Variants in VSIG1 observed in about 807,000 individuals in gnomAD.
VSIG1 encodes V-set and immunoglobulin domain-containing protein 1.
In VSIG1, 11 loss-of-function variants were observed where a neutral mutation model predicts 20.1. That is an observed-to-expected ratio of 0.55 (90% CI 0.34 to 0.91). The LOEUF (loss-of-function observed/expected upper bound fraction) is 0.91, where lower values mean the gene tolerates loss of function less well. Among genes scored for constraint, VSIG1 ranks in the 40% least tolerant of loss-of-function variants. VSIG1 has a pLI of 0.02. For missense variants in VSIG1, 283 were observed against 298.8 expected, an observed-to-expected ratio of 0.95 and a Z score of 0.39; for synonymous variants, 126 against 116.7, an observed-to-expected ratio of 1.08 and a Z score of -0.52.
intron 1 of VSIG1, among the ~76,000 whole-genome samples, chrX:108,054,447 A>G (rs2030850120): frequency 8.9e-6 from 1 of 111,733 alleles, no homozygotes; most frequent in African/African-American, 3.2e-5. Flanking sequence ...ACGATTTTAT[A>G]TTGGTTTTTC....
intron 2 of VSIG1, among the ~76,000 whole-genome samples, chrX:108,058,709 C>T (rs2030961341): frequency 9.0e-6 from 1 of 110,979 alleles, no homozygotes; most frequent in Non-Finnish European, 1.9e-5. Context: ...AGTGATGAAC[C>T]CTGCGTAGTT....
chrX:108,071,799 C>T (rs749335409), intron 3 of VSIG1, among the ~76,000 whole-genome samples: 4 of 106,891 alleles, frequency 3.7e-5, no homozygotes, highest in East Asian at 3.0e-4. Flanking sequence ...TGCTGAGTAG[C>T]GTGCACCCCC....
At chrX:108,046,800 T>C (rs1292335458) in intron 1 of VSIG1, among the ~76,000 whole-genome samples, 2 of 111,600 alleles carry the variant, frequency 1.8e-5, no homozygotes, top group African/African-American at 6.5e-5. Flanking sequence ...TTTAGCATCA[T>C]GTCAGGATTT....
the VSIG1 span, among the ~76,000 whole-genome samples, chrX:108,023,049 C>A: frequency 1.8e-5 from 2 of 112,028 alleles, no homozygotes; most frequent in Non-Finnish European, 3.8e-5. Flanking sequence ...AAATAAATGT[C>A]TTTTCTTTAT....
At chrX:108,061,676 A>G in intron 2 of VSIG1, 1 of 501,407 alleles carries the variant, frequency 2.0e-6, no homozygotes, top group South Asian at 3.1e-5. Flanking sequence ...CAAAACTGGG[A>G]CAGTCTTGAG....
At chrX:108,021,121 C>T in the VSIG1 span, among the ~76,000 whole-genome samples, 15 of 111,689 alleles carry the variant, frequency 1.3e-4, no homozygotes, top group South Asian at 1.5e-3. Flanking sequence ...CATACTTTTT[C>T]CAGTGTGGAA....
chrX:108,066,092 G>A (rs1307693551), intron 2 of VSIG1, among the ~76,000 whole-genome samples: 3 of 111,085 alleles, frequency 2.7e-5, no homozygotes, highest in Non-Finnish European at 3.8e-5. Flanking sequence ...TATGATCTAA[G>A]TATCTATGCT....
At chrX:108,044,886 G>T (rs2030537177), upstream of VSIG1, 2 of 278,950 alleles carry the variant, frequency 7.2e-6, no homozygotes, top group Non-Finnish European at 1.3e-5. Flanking sequence ...AAATGCGTGG[G>T]TTTATTATTA....
intron 1 of VSIG1, among the ~76,000 whole-genome samples, chrX:108,054,550 AAGAT>A (rs1172813964): frequency 9.0e-6 from 1 of 111,466 alleles, no homozygotes. Context: ...AACATTCACC[AAGAT>A]AGATAATGTG....
chrX:108,029,720 C>T, the VSIG1 span, among the ~76,000 whole-genome samples: 1 of 111,831 alleles, frequency 8.9e-6, no homozygotes, highest in African/African-American at 3.3e-5. Flanking sequence ...CACCAATTGC[C>T]TTTAAAAGAC....
chrX:108,061,381 T>C, intron 2 of VSIG1: 1 of 1,007,997 alleles, frequency 9.9e-7, no homozygotes, highest in Non-Finnish European at 1.4e-6. Flanking sequence ...GGCAGTATAC[T>C]GTATAGCATT....
the VSIG1 span, among the ~76,000 whole-genome samples, chrX:108,035,406 T>A: frequency 9.0e-6 from 1 of 111,567 alleles, no homozygotes; most frequent in East Asian, 2.8e-4. Context: ...TAAAGATATT[T>A]ACAATACTGA....
At chrX:108,031,278 T>C in the VSIG1 span, among the ~76,000 whole-genome samples, 1 of 112,298 alleles carries the variant, frequency 8.9e-6, no homozygotes, top group East Asian at 2.8e-4. Context: ...CAAAGACCTT[T>C]CAGTAGGAGA....
chrX:108,044,041 G>C (rs1458151465), upstream of VSIG1, among the ~76,000 whole-genome samples: 3 of 111,741 alleles, frequency 2.7e-5, no homozygotes, highest in Non-Finnish European at 3.8e-5. Flanking sequence ...TTGGCCTGCG[G>C]CTGGCACACA....
the VSIG1 span, among the ~76,000 whole-genome samples, chrX:108,022,050 G>A: frequency 3.6e-5 from 4 of 111,123 alleles, no homozygotes; most frequent in Non-Finnish European, 5.7e-5. Flanking sequence ...TTGTATTTCC[G>A]TATGAATTTT....
chrX:108,047,955 C>T (rs7887155), intron 1 of VSIG1, among the ~76,000 whole-genome samples: 3,330 of 13,395 alleles, frequency 0.25, 567 homozygotes, highest in Non-Finnish European at 0.29. Flanking sequence ...TATATATATA[C>T]ACACACATAT....
At chrX:108,048,206 T>G (rs1046981808) in intron 1 of VSIG1, among the ~76,000 whole-genome samples, 1 of 106,935 alleles carries the variant, frequency 9.4e-6, no homozygotes, top group Non-Finnish European at 1.9e-5. Flanking sequence ...TTTCTCCATG[T>G]TGGTCAGGCT....
chrX:108,030,840 G>A, the VSIG1 span, among the ~76,000 whole-genome samples: 1 of 111,825 alleles, frequency 8.9e-6, no homozygotes, highest in Non-Finnish European at 1.9e-5. Context: ...TGTGATCTTT[G>A]TAAGCTGGTG....
chrX:108,047,843 T>TACATATATATATACACATATATATATAC (rs1569287090), intron 1 of VSIG1, among the ~76,000 whole-genome samples: 5 of 33,888 alleles, frequency 1.5e-4, no homozygotes, highest in African/African-American at 5.7e-4. Context: ...CATATATATA[T>TACATATATATATACACATATATATATAC]ACATATATAT....
Sources: gnomAD v4.1 joint callset for allele counts (sites outside exome capture counted in the v4.1 genomes callset) on GRCh38, gnomAD v4.1.1 for gene constraint, MANE v1.5 for transcripts, NCBI Gene and HGNC (gene_info 2026-07-23, HGNC 2026-07-21) for gene names.